ADGRL3: variants seen among roughly 807,000 people sequenced by gnomAD.
The protein encoded by ADGRL3 is adhesion G protein-coupled receptor L3.
In ADGRL3, 62 loss-of-function variants were observed where a neutral mutation model predicts 153.5. The ratio of observed to expected loss-of-function variants is 0.40; its 90% CI spans 0.33 to 0.50. The LOEUF (loss-of-function observed/expected upper bound fraction) is 0.50. Ranked by LOEUF, ADGRL3 falls within the 20% of genes least tolerant of loss-of-function variation. The probability of loss-of-function intolerance (pLI) is 0.47; values close to 1 mark genes in which losing one functional copy is unlikely to be tolerated. For synonymous variants in ADGRL3, 710 were observed against 672.5 expected, an observed-to-expected ratio of 1.06 and a Z score of -0.86; for missense variants, 1,641 against 1,859.4, an observed-to-expected ratio of 0.88 and a Z score of 2.16.
At chr4:61,924,928 C>T (rs1432420572) in intron 13 of ADGRL3, among the ~76,000 whole-genome samples, 1 of 152,080 alleles carries the variant, frequency 6.6e-6, no homozygotes, top group African/African-American at 2.4e-5. Flanking sequence ...GCTTCCCTTG[C>T]CAGAATGTTC....
intron 17 of ADGRL3, among the ~76,000 whole-genome samples, chr4:61,967,192 T>C (rs1350604218): frequency 6.6e-6 from 1 of 152,168 alleles, no homozygotes; most frequent in Non-Finnish European, 1.5e-5. Flanking sequence ...GACATTTGTT[T>C]TCATGCTTTT....
At chr4:61,341,534 T>C (rs2095808364) in intron 1 of ADGRL3, among the ~76,000 whole-genome samples, 1 of 151,360 alleles carries the variant, frequency 6.6e-6, no homozygotes, top group Admixed American at 6.6e-5. Flanking sequence ...ATTATATATA[T>C]ATACACACAC....
intron 1 of ADGRL3, among the ~76,000 whole-genome samples, chr4:61,305,481 GA>G (rs746082321): frequency 1.6e-4 from 24 of 152,146 alleles, no homozygotes; most frequent in African/African-American, 2.4e-4. Flanking sequence ...GTTGCTGTAG[GA>G]AACACTGGAG....
intron 4 of ADGRL3, among the ~76,000 whole-genome samples, chr4:61,546,061 A>C (rs2098712539): frequency 6.6e-6 from 1 of 152,104 alleles, no homozygotes; most frequent in Non-Finnish European, 1.5e-5. Context: ...TCTCTTGCCT[A>C]GACTATTTCC....
Position 61,453,939 on chromosome 4 carries a change from A to T in ADGRL3, c.-173-43182A>T. ...TGTCCACAACACAAATTTTAATATT[A>T]TATATATAAATTGATATATACTCTT... On this transcript the variant is annotated intron_variant, in intron 2 of 26. Transcript: ENST00000683033. Among the ~76,000 whole-genome samples the T allele has an allele frequency of 1.3e-5, 2 of 152,058 alleles. 1 individual carries two copies. Among genetic ancestry groups the T allele is most frequent in the East Asian group, 3.9e-4 (2 of 5,194 alleles).
chr4:61,612,548 T>C (rs1211439977), intron 5 of ADGRL3, among the ~76,000 whole-genome samples: 1 of 152,206 alleles, frequency 6.6e-6, no homozygotes, highest in Non-Finnish European at 1.5e-5. Context: ...TTTTCCTTAC[T>C]TCTACAGGAT....
intron 1 of ADGRL3, among the ~76,000 whole-genome samples, chr4:61,238,715 C>CTCATCTGTAAATGTCT (rs1405758168): frequency 6.6e-6 from 1 of 151,928 alleles, no homozygotes; most frequent in Non-Finnish European, 1.5e-5. Flanking sequence ...TTTCAATGTC[C>CTCATCTGTAAATGTCT]TCATCTGTAA....
At chr4:61,563,994 C>T (rs577902515) in intron 4 of ADGRL3, among the ~76,000 whole-genome samples, 3 of 151,998 alleles carry the variant, frequency 2.0e-5, no homozygotes, top group Admixed American at 2.0e-4. Flanking sequence ...GGTGACAGAG[C>T]GAGACTGTCT....
intron 2 of ADGRL3, among the ~76,000 whole-genome samples, chr4:61,392,660 T>TG (rs2096823466): frequency 3.4e-5 from 3 of 87,656 alleles, no homozygotes; most frequent in African/African-American, 4.2e-5. Context: ...CGCTCCAGCC[T>TG]GGTGACAGAG....
chr4:61,647,516 G>A (rs960623699), intron 5 of ADGRL3, among the ~76,000 whole-genome samples: 25 of 152,070 alleles, frequency 1.6e-4, no homozygotes, highest in Non-Finnish European at 2.8e-4. Flanking sequence ...TGGTTTGTAC[G>A]TGAGGGGGAA....
At chr4:61,428,880 CTATCTATCTATAT>C (rs2097316983) in intron 2 of ADGRL3, among the ~76,000 whole-genome samples, 1 of 102,200 alleles carries the variant, frequency 9.8e-6, no homozygotes, top group South Asian at 3.3e-4. Context: ...TCTATATCAT[CTATCTATCTATAT>C]CATCTATCTA....
At position 61,432,642 on chromosome 4, in the gene ADGRL3, CTTTCTTTCT is replaced by C. The variant is rs1324032957; in HGVS notation, c.-174+49456_-174+49464del. On this transcript the variant is annotated intron_variant, in intron 2 of 26. Transcript: ENST00000683033. Reference sequence around the variant, plus strand: ...TCTTTCTTTCTTTCTTTCTTTCTTTCTTTCTTTCTTTCTTTTTTTTTTTTTTTTGAGACA... The same window carrying C: ...TCTTTCTTTCTTTCTTTCTTTCTTTCTTCTTTTTTTTTTTTTTTTGAGACA... Among the ~76,000 whole-genome samples, 21 of 22,954 alleles carry C rather than the reference CTTTCTTTCT, an allele frequency of 9.1e-4. 4 individuals are homozygous for C. The highest frequency in any genetic ancestry group is 3.0e-3 in the African/African-American group (21 of 7,116). The allele number at this position is 22,954 out of a possible 152,430, so 15.1% of individuals were successfully genotyped here. A position where few individuals can be genotyped will look rare whatever the true frequency, so the allele number is the denominator to read the frequency against.
At chr4:61,527,195 CAT>C (rs1172297635) in intron 4 of ADGRL3, among the ~76,000 whole-genome samples, 1 of 151,780 alleles carries the variant, frequency 6.6e-6, no homozygotes, top group Non-Finnish European at 1.5e-5. Context: ...AATGTATTTC[CAT>C]AGTTTCACAT....
chr4:61,454,958 A>T (rs759928153), intron 2 of ADGRL3, among the ~76,000 whole-genome samples: 26 of 152,154 alleles, frequency 1.7e-4, no homozygotes, highest in Non-Finnish European at 2.6e-4. Flanking sequence ...CAATGGTGTT[A>T]ACAGATTAAA....
intron 1 of ADGRL3, among the ~76,000 whole-genome samples, chr4:61,270,727 A>G (rs1372770683): frequency 1.3e-5 from 2 of 151,756 alleles, no homozygotes; most frequent in Admixed American, 6.6e-5. Context: ...CCTGCCATTT[A>G]TAACAGCTAA....
At chr4:61,923,547 G>T (rs1265718609) in intron 13 of ADGRL3, among the ~76,000 whole-genome samples, 1 of 152,092 alleles carries the variant, frequency 6.6e-6, no homozygotes, top group Non-Finnish European at 1.5e-5. Flanking sequence ...ACTGCCAGGA[G>T]ATGTAAATAC....
chr4:61,225,148 G>A (rs1577906357), intron 1 of ADGRL3, among the ~76,000 whole-genome samples: 1 of 152,130 alleles, frequency 6.6e-6, no homozygotes, highest in East Asian at 1.9e-4. Context: ...TTCAACCCTG[G>A]AATTTAGTAA....
At chr4:61,699,479 A>G (rs977990243) in intron 6 of ADGRL3, among the ~76,000 whole-genome samples, 7 of 152,168 alleles carry the variant, frequency 4.6e-5, no homozygotes, top group Admixed American at 1.3e-4. Context: ...AGAAAGACAC[A>G]TGGCTCAGAT....
intron 19 of ADGRL3, among the ~76,000 whole-genome samples, chr4:61,990,738 C>G (rs549174769): frequency 6.6e-6 from 1 of 151,592 alleles, no homozygotes; most frequent in South Asian, 2.1e-4. Flanking sequence ...ATCAACCAAT[C>G]GACACCTTTA....
Sources: allele counts gnomAD v4.1 joint callset (sites outside exome capture counted in the v4.1 genomes callset), GRCh38; gene constraint gnomAD v4.1.1; transcripts MANE v1.5; gene names NCBI Gene and HGNC (gene_info 2026-07-23, HGNC 2026-07-21).